The following AR variants were observed in gnomAD, a reference collection of about 807,000 sequenced individuals.
The protein encoded by AR is androgen receptor.
AR carries 8 observed loss-of-function variants against 53.9 expected under a neutral mutation model. The ratio of observed to expected loss-of-function variants is 0.15; its 90% CI spans 0.09 to 0.27. The LOEUF (loss-of-function observed/expected upper bound fraction) is 0.27. Among genes scored for constraint, AR ranks in the 10% least tolerant of loss-of-function variants. The pLI, the probability that AR is intolerant of heterozygous loss-of-function variation, is 1.00. For synonymous variants in AR, 359 were observed against 316.4 expected (o/e 1.13, Z -1.43); for missense variants, 639 against 742.5 (o/e 0.86, Z 1.62).
intron 2 of AR, among the ~76,000 whole-genome samples, chrX:67,657,613 C>T (rs1251783346): frequency 8.9e-6 from 1 of 112,199 alleles, no homozygotes; most frequent in Admixed American, 9.5e-5. Flanking sequence ...GTCTGGTGGG[C>T]TTCAACCTTA....
intron 4 of AR, among the ~76,000 whole-genome samples, chrX:67,712,206 T>C (rs2076096711): frequency 8.9e-6 from 1 of 112,225 alleles, no homozygotes; most frequent in Non-Finnish European, 1.9e-5. Flanking sequence ...TAACTTATTG[T>C]GTGATCCCTT....
rs1169042646 is a variant in AR at position 67,729,186 on chromosome X, A to G, written c.*5345A>G. 1 of 174,732 alleles carries G rather than the reference A, an allele frequency of 5.7e-6. No homozygotes were observed. The highest frequency in any genetic ancestry group is 7.8e-5 in the Admixed American group (1 of 12,786). The allele number at this position is 174,732 out of a possible 1,213,427, so 14.4% of individuals were successfully genotyped here. ...GGATATGTTCTGTAAAGATTTTGAC[A>G]AATGAAAATGTGTTTTTCTCTGTTA... On this transcript the variant is annotated 3_prime_UTR_variant, in exon 8 of 8. Coordinates refer to ENST00000374690, the MANE Select transcript of AR (RefSeq NM_000044.6).
chrX:67,558,668 G>A (rs1055609326), intron 1 of AR, among the ~76,000 whole-genome samples: 6 of 111,771 alleles, frequency 5.4e-5, no homozygotes, highest in Middle Eastern at 4.6e-3. Context: ...TGGAAAACAG[G>A]ACTACAGGAA....
chrX:67,624,606 C>T (rs1342265145), intron 1 of AR, among the ~76,000 whole-genome samples: 1 of 110,574 alleles, frequency 9.0e-6, no homozygotes, highest in Non-Finnish European at 1.9e-5. Context: ...ATATAGATAA[C>T]TTTCTAAAAA....
At chrX:67,602,804 TA>T (rs951050954) in intron 1 of AR, among the ~76,000 whole-genome samples, 11 of 110,126 alleles carry the variant, frequency 1.0e-4, no homozygotes, top group East Asian at 2.8e-4. Flanking sequence ...ACTTCTGACC[TA>T]AAAAAAAAGT....
intron 3 of AR, among the ~76,000 whole-genome samples, chrX:67,699,852 A>C (rs747935226): frequency 2.7e-5 from 3 of 111,566 alleles, no homozygotes; most frequent in Non-Finnish European, 5.6e-5. Context: ...ATGGTTGAGA[A>C]GGCCTATATC....
intron 1 of AR, among the ~76,000 whole-genome samples, chrX:67,581,678 T>C (rs1449097044): frequency 9.0e-6 from 1 of 111,730 alleles, no homozygotes; most frequent in Non-Finnish European, 1.9e-5. Context: ...ATTCAAGATA[T>C]TAACATATCC....
At chrX:67,642,202 T>A (rs1925815493) in intron 1 of AR, among the ~76,000 whole-genome samples, 1 of 111,988 alleles carries the variant, frequency 8.9e-6, no homozygotes, top group Admixed American at 9.5e-5. Context: ...TGGGCAGTTG[T>A]CATCTCCCTG....
chrX:67,709,678 A>G (rs2076085336), intron 3 of AR, among the ~76,000 whole-genome samples: 1 of 112,151 alleles, frequency 8.9e-6, no homozygotes, highest in African/African-American at 3.2e-5. Context: ...CCCCAGTGAG[A>G]TGAACCCGGT....
rs377380921 is a variant in AR, at chrX:67,569,146, G to T, written c.1616+22384G>T. On this transcript the variant is annotated intron_variant, in intron 1 of 7. Transcript: ENST00000374690. ...ATCTATTAGGCATCTAGACTAGCTT[G>T]CTTGAATATCTTAGCATGTTGACTA... The T allele has an allele frequency of 6.8e-4, 435 of 643,266 alleles. 1 individual carries two copies. In the African/African-American group the frequency reaches 0.01, roughly 15 times the overall value. The allele number at this position is 643,266 out of a possible 1,213,427, so 53.0% of individuals were successfully genotyped here. A position where few individuals can be genotyped will look rare whatever the true frequency, so the allele number is the denominator to read the frequency against.
intron 1 of AR, among the ~76,000 whole-genome samples, chrX:67,588,139 T>G (rs1706084752): frequency 9.0e-6 from 1 of 111,549 alleles, no homozygotes; most frequent in South Asian, 3.8e-4. Context: ...AACTGCTCTT[T>G]GCACACACTC....
rs2076147765 is a variant in AR at position 67,723,878 on chromosome X, C to T, written c.*37C>T. ...CCCTATTTCCCCACCCCAGCTCATG[C>T]CCCCTTTCAGATGTCTTCTGCCTGT... On this transcript the variant is annotated 3_prime_UTR_variant, in exon 8 of 8. Coordinates refer to ENST00000374690, the MANE Select transcript of AR (RefSeq NM_000044.6). The T allele has an allele frequency of 5.0e-6, 6 of 1,202,018 alleles. No individual in the cohort carries two copies. Among genetic ancestry groups the T allele is most frequent in the Middle Eastern group, 3.1e-4 (1 of 3,246 alleles).
intron 1 of AR, among the ~76,000 whole-genome samples, chrX:67,565,529 T>C (rs1343518561): frequency 8.9e-6 from 1 of 111,885 alleles, no homozygotes; most frequent in East Asian, 2.8e-4. Context: ...TTGCTTGAAA[T>C]CTACCAAGTA....
rs770743419 is a variant in AR at position 67,661,935 on chromosome X, G to A, written c.1768+18528G>A. ...TTAGTCTTGGGATGGTGTATGTGTC[G>A]AGGAATTTATCCATTTCTTCTAGAT... On this transcript the variant is annotated intron_variant, in intron 2 of 7. Transcript: ENST00000374690. 1.2e-4 allele frequency among the ~76,000 whole-genome samples: 13 copies of A among 111,581 alleles called. No individual in the cohort carries two copies. The East Asian group carries it at 1.4e-3, about 12-fold the overall frequency.
At chrX:67,695,661 AAC>A (rs1367985650) in intron 3 of AR, 16 of 749,696 alleles carry the variant, frequency 2.1e-5, no homozygotes, top group Non-Finnish European at 2.3e-5. Flanking sequence ...AAGCCAGGGA[AAC>A]ACACATGTGA....
rs756799615 is a variant in AR at position 67,611,743 on chromosome X, T to C, written c.1617-31513T>C. 9.6e-4 allele frequency among the ~76,000 whole-genome samples: 107 copies of C among 111,518 alleles called. 1 individual carries two copies. The highest frequency in any genetic ancestry group is 2.8e-4 in the Non-Finnish European group (15 of 53,060). On this transcript the variant is annotated intron_variant, in intron 1 of 7. Coordinates refer to ENST00000374690, the MANE Select transcript of AR (RefSeq NM_000044.6). The stretch of plus-strand genomic sequence containing the variant: ...ATTTCCTAGTTCAACCACCTTTTCT[T>C]CATACCTTTTTAATTTTTCTCTGCA...
intron 1 of AR, among the ~76,000 whole-genome samples, chrX:67,642,079 C>T (rs1044681363): frequency 1.8e-5 from 2 of 111,258 alleles, no homozygotes; most frequent in East Asian, 2.8e-4. Context: ...ACAGAGTTTT[C>T]GTTAGGTGTT....
chrX:67,604,854 A>T (rs111758742), intron 1 of AR, among the ~76,000 whole-genome samples: 2 of 111,642 alleles, frequency 1.8e-5, no homozygotes, highest in Non-Finnish European at 3.8e-5. Flanking sequence ...AGAGATTCTG[A>T]TATATATTCC....
intron 2 of AR, among the ~76,000 whole-genome samples, chrX:67,654,291 TG>T (rs1442439696): frequency 9.0e-6 from 1 of 111,500 alleles, no homozygotes; most frequent in East Asian, 2.8e-4. Context: ...GCAGCGTCCC[TG>T]GGTAGGCCGA....
Sources: gnomAD v4.1 joint callset for allele counts (sites outside exome capture counted in the v4.1 genomes callset) on GRCh38, gnomAD v4.1.1 for gene constraint, MANE v1.5 for transcripts, NCBI Gene and HGNC (gene_info 2026-07-23, HGNC 2026-07-21) for gene names.